NLRP4: variants seen among roughly 807,000 people sequenced by gnomAD.
NLRP4 encodes the protein NACHT, LRR and PYD domains-containing protein 4.
A neutral mutation model predicts 84.7 loss-of-function variants in NLRP4; 44 were observed. The observed-to-expected ratio is 0.52, with a 90% CI of 0.41 to 0.67. The LOEUF (loss-of-function observed/expected upper bound fraction) is 0.67, where lower values mean the gene tolerates loss of function less well. NLRP4 is among the 30% of genes least tolerant of loss of function. The pLI is 0.00. For synonymous variants in NLRP4, 544 were observed against 476.4 expected (o/e 1.14, Z -1.85); for missense variants, 1,260 against 1,219.4 (o/e 1.03, Z -0.50).
intron 6 of NLRP4, among the ~76,000 whole-genome samples, chr19:55,869,515 GC>G (rs1985092137): frequency 1.3e-5 from 2 of 152,164 alleles, no homozygotes; most frequent in African/African-American, 4.8e-5. Context: ...GGAAGCAGTT[GC>G]CCGTTCTGTC....
intron 6 of NLRP4, among the ~76,000 whole-genome samples, chr19:55,868,311 C>G (rs979071601): frequency 2.6e-5 from 4 of 152,080 alleles, no homozygotes; most frequent in South Asian, 4.1e-4. Flanking sequence ...TACTATAATA[C>G]ATGTGATGTT....
intron 1 of NLRP4, among the ~76,000 whole-genome samples, chr19:55,841,713 AAGTT>A (rs1489150603): frequency 1.3e-5 from 2 of 151,986 alleles, no homozygotes; most frequent in African/African-American, 2.4e-5. Flanking sequence ...ATACAAAAAA[AAGTT>A]AGCCGGGCAT....
chr19:55,858,326 C>T lies in NLRP4; in HGVS notation c.933C>T (p.Phe311=). 2 of 1,614,150 alleles carry T rather than the reference C, an allele frequency of 1.2e-6. No homozygotes were observed. The highest frequency in any genetic ancestry group is 1.1e-5 in the South Asian group (1 of 91,070). The part of the protein sequence containing the change: ...GFNESDRLVY[F]CCFFKDPKRA... ...ACGAGAGTGATAGGTTAGTGTATTTCTGCTGTTTCTTCAAAGACCCGAAAA... is the reference window on the plus strand; with the variant it reads ...ACGAGAGTGATAGGTTAGTGTATTTTTGCTGTTTCTTCAAAGACCCGAAAA... Residue 311 remains phenylalanine (F), a synonymous_variant, in exon 3 of 10, where the codon TTC becomes TTT. Coordinates refer to ENST00000301295, the MANE Select transcript of NLRP4 (RefSeq NM_134444.5). This position sits in a 1 kb window ranked among gnomAD's most constrained non-coding sequence, Gnocchi z 4.2.
At position 55,864,553 on chromosome 19, in the gene NLRP4, A is replaced by T. The variant is rs114397935; in HGVS notation, c.2186+2394A>T. ...CACTCATGTGTGAACACCTGCTTTC[A>T]ATCCTTTTGGACTTGTAACCAGGAG... is the stretch of plus-strand genomic sequence containing the variant. On this transcript the variant is annotated intron_variant, in intron 5 of 9. Transcript: ENST00000301295. 5.1e-3 allele frequency among the ~76,000 whole-genome samples: 769 copies of T among 152,266 alleles called. 9 individuals carry two copies. The highest frequency in any genetic ancestry group is 0.018 in the African/African-American group (736 of 41,528).
chr19:55,879,925 G>GA (rs34270017), intron 9 of NLRP4, among the ~76,000 whole-genome samples: 99,315 of 151,202 alleles, frequency 0.66, 32,968 homozygotes, highest in East Asian at 0.81. Flanking sequence ...TTTATAAATA[G>GA]AAACTTATAT....
intron 1 of NLRP4, among the ~76,000 whole-genome samples, chr19:55,849,768 C>CCAAAGCTGCGG (rs1983940436): frequency 6.6e-6 from 1 of 152,210 alleles, no homozygotes; most frequent in Non-Finnish European, 1.5e-5. Flanking sequence ...AATGTAATTT[C>CCAAAGCTGCGG]TGTAGCTGCG....
At chr19:55,880,866 T>C (rs968708374) in intron 9 of NLRP4, among the ~76,000 whole-genome samples, 1 of 152,196 alleles carries the variant, frequency 6.6e-6, no homozygotes, top group African/African-American at 2.4e-5. Flanking sequence ...ACAATTATGC[T>C]ACCTCATAAG....
Position 55,877,142 on chromosome 19 carries a change from C to T in NLRP4, c.2672C>T (p.Thr891Met), listed in dbSNP as rs572392165. ...VQLLCRALTH[T>M]DCRLEILGLE... ...CTGTTGTGTCGGGCTCTGACGCATACGGATTGCCGCTTAGAGATTCTTGGG... is the reference window on the plus strand; with the variant it reads ...CTGTTGTGTCGGGCTCTGACGCATATGGATTGCCGCTTAGAGATTCTTGGG... The change falls in exon 8 of 10, where the codon ACG (threonine) becomes ATG (methionine). Residue 891 changes from threonine (T) to methionine (M), a missense_variant. Coordinates refer to ENST00000301295, the MANE Select transcript of NLRP4 (RefSeq NM_134444.5). The T allele has an allele frequency of 5.7e-5, 92 of 1,613,758 alleles. No homozygotes were observed. Among genetic ancestry groups the T allele is most frequent in the Middle Eastern group, 4.9e-4 (3 of 6,062 alleles).
rs1420619319 is a variant in NLRP4, at chr19:55,850,764, AATTT to A, written c.-65-1251_-65-1248del. Among the ~76,000 whole-genome samples the A allele has an allele frequency of 3.8e-4, 49 of 130,448 alleles. 4 individuals are homozygous for A. Among genetic ancestry groups the A allele is most frequent in the Non-Finnish European group, 4.8e-4 (30 of 62,526 alleles). 85.6% of individuals were successfully genotyped at this position (130,448 alleles called of 152,430 possible). ...GGTGTACTTCCCGAGGCTGCGGTGT[AATTT>A]CCGAGGCTGCGGTGTAATTCCCGAG... is the stretch of plus-strand genomic sequence containing the variant. On this transcript the variant is annotated intron_variant, in intron 1 of 9. Transcript: ENST00000301295.
chr19:55,856,791 G>A (rs1674725290), intron 2 of NLRP4, among the ~76,000 whole-genome samples: 1 of 152,158 alleles, frequency 6.6e-6, no homozygotes, highest in Admixed American at 6.5e-5. Flanking sequence ...TGGGATTACA[G>A]GCATGAACCA....
intron 6 of NLRP4, among the ~76,000 whole-genome samples, chr19:55,869,830 T>C (rs1471256109): frequency 1.3e-5 from 2 of 151,706 alleles, no homozygotes; most frequent in South Asian, 2.1e-4. Context: ...GGCTCACACC[T>C]ATATTCCCAA....
At chr19:55,849,809 C>T (rs1211889251) in intron 1 of NLRP4, among the ~76,000 whole-genome samples, 1 of 149,628 alleles carries the variant, frequency 6.7e-6, no homozygotes, top group African/African-American at 2.6e-5. Flanking sequence ...GTGTAATTTC[C>T]AAAGCTGCGG....
chr19:55,850,404 AATGTCCGT>A (rs1372852476), intron 1 of NLRP4, among the ~76,000 whole-genome samples: 9 of 51,008 alleles, frequency 1.8e-4, no homozygotes, highest in Non-Finnish European at 2.1e-4. Flanking sequence ...GCTGCGGTGT[AATGTCCGT>A]GGCTGCGGTG....
At chr19:55,847,219 C>T (rs758201556) in intron 1 of NLRP4, among the ~76,000 whole-genome samples, 3 of 152,020 alleles carry the variant, frequency 2.0e-5, no homozygotes, top group Non-Finnish European at 4.4e-5. Flanking sequence ...TTTTATTTTC[C>T]ACTGTATAAC....
Position 55,870,754 on chromosome 19 carries a change from T to G in NLRP4, c.2355-73T>G. The G allele has an allele frequency of 5.7e-6, 6 of 1,059,306 alleles. No individual in the cohort carries two copies. The Admixed American group carries it at 1.1e-4, about 19-fold the overall frequency. The allele number at this position is 1,059,306 out of a possible 1,614,324, so 65.6% of individuals were successfully genotyped here. ...AAGATTATAGAAATATTACCCTGAA[T>G]GTGAAATTAAGCAAATCTCCCTGAG... On this transcript the variant is annotated intron_variant, in intron 6 of 9. Transcript: ENST00000301295.
intron 3 of NLRP4, among the ~76,000 whole-genome samples, chr19:55,860,290 A>T (rs1356467799): frequency 6.6e-6 from 1 of 152,192 alleles, no homozygotes; most frequent in African/African-American, 2.4e-5. Context: ...CGGCCAAATC[A>T]TATACATTTT....
chr19:55,858,105 G>T lies in NLRP4; in HGVS notation c.712G>T (p.Gly238Cys). The T allele has an allele frequency of 6.2e-7, 1 of 1,614,126 alleles. No individual in the cohort carries two copies. ...FVIDSFEELQ[G>C]GLNEPDSDLC... ...CATCGACAGCTTCGAAGAGCTGCAG[G>T]GCGGCTTGAACGAACCCGATTCGGA... is the stretch of plus-strand genomic sequence containing the variant. Residue 238 changes from glycine to cysteine, a missense_variant, in exon 3 of 10, where the codon GGC (glycine) becomes TGC (cysteine). Coordinates refer to ENST00000301295, the MANE Select transcript of NLRP4 (RefSeq NM_134444.5). The surrounding 1 kb of genome is among the most constrained non-coding windows in gnomAD (Gnocchi z 4.2).
rs1224743948 is a variant in NLRP4 at position 55,859,943 on chromosome 19, AAAAAAAAAAC to A, written c.1856+699_1856+708del. 1.1e-3 allele frequency among the ~76,000 whole-genome samples: 142 copies of A among 125,706 alleles called. 3 individuals are homozygous for A. The highest frequency in any genetic ancestry group is 2.0e-3 in the Non-Finnish European group (105 of 53,134). The allele number at this position is 125,706 out of a possible 152,430, so 82.5% of individuals were successfully genotyped here. On this transcript the variant is annotated intron_variant, in intron 3 of 9. Coordinates refer to ENST00000301295, the MANE Select transcript of NLRP4 (RefSeq NM_134444.5). ...CTCATCTCCAAAAAAAAAAAAAAAA[AAAAAAAAAAC>A]AAAACACAAATCATACAAATTTTCT...
At chr19:55,864,852 T>A (rs1984893801) in intron 5 of NLRP4, among the ~76,000 whole-genome samples, 1 of 152,208 alleles carries the variant, frequency 6.6e-6, no homozygotes, top group African/African-American at 2.4e-5. Context: ...GAGCATCTTT[T>A]CCTGTGCTTT....
Sources: gnomAD v4.1 joint callset for allele counts (sites outside exome capture counted in the v4.1 genomes callset) on GRCh38, gnomAD v4.1.1 for gene constraint, Gnocchi (gnomAD v3.1) non-coding constraint, MANE v1.5 for transcripts, NCBI Gene and HGNC (gene_info 2026-07-23, HGNC 2026-07-21) for gene names.